Variants in ABCA10 observed in about 807,000 individuals in gnomAD.
ABCA10 encodes ATP-binding cassette sub-family A member 10.
Under a neutral mutation model 187.5 loss-of-function variants are expected in ABCA10, and 169 were observed. The observed-to-expected ratio is 0.90, with a 90% CI of 0.80 to 1.02. The LOEUF is 1.02. Among genes scored for constraint, ABCA10 ranks in the 50% least tolerant of loss-of-function variants. The pLI, the probability that ABCA10 is intolerant of heterozygous loss-of-function variation, is 0.00. For synonymous variants in ABCA10, 574 were observed against 601.8 expected (o/e 0.95, Z 0.68); for missense variants, 1,727 against 1,812.4 (o/e 0.95, Z 0.86).
chr17:69,238,990 C>T (rs2074888489), intron 1 of ABCA10, among the ~76,000 whole-genome samples: 1 of 152,188 alleles, frequency 6.6e-6, no homozygotes, highest in Non-Finnish European at 1.5e-5. Context: ...TGTCCCCATC[C>T]CCCACAGCCT....
At chr17:69,164,023 G>A (rs754829620) in intron 27 of ABCA10, 51 bp downstream of exon 27, 1 of 1,366,526 alleles carries the variant, frequency 7.3e-7, no homozygotes, top group Admixed American at 2.8e-5. Context: ...AGATTTCACG[G>A]GGCTATGAAT....
chr17:69,206,042 T>G (rs2074589118), intron 9 of ABCA10, among the ~76,000 whole-genome samples: 1 of 152,184 alleles, frequency 6.6e-6, no homozygotes, highest in South Asian at 2.1e-4. Flanking sequence ...TCTATCTTTA[T>G]AGCTAACTGT....
intron 11 of ABCA10, among the ~76,000 whole-genome samples, chr17:69,195,899 T>A (rs1384278880): frequency 6.6e-6 from 1 of 152,104 alleles, no homozygotes. Context: ...ATTAACCGCA[T>A]CCCAAGGCAG....
intron 5 of ABCA10, among the ~76,000 whole-genome samples, chr17:69,220,171 G>C (rs7221183): frequency 0.54 from 82,634 of 151,880 alleles, 24,358 homozygotes; most frequent in Non-Finnish European, 0.67. Flanking sequence ...ATCAAGAAAG[G>C]CTTCCCTAAA....
chr17:69,218,947 C>T (rs16973774), intron 6 of ABCA10, among the ~76,000 whole-genome samples: 11,051 of 152,248 alleles, frequency 0.073, 538 homozygotes, highest in Admixed American at 0.15. Context: ...GAGGTTGTCA[C>T]TTTGACTAGC....
At chr17:69,217,153 A>C (rs1331236686) in intron 6 of ABCA10, among the ~76,000 whole-genome samples, 1 of 152,086 alleles carries the variant, frequency 6.6e-6, no homozygotes, top group Non-Finnish European at 1.5e-5. Flanking sequence ...AGGCTGAGGC[A>C]GGAGAATCAC....
intron 9 of ABCA10, among the ~76,000 whole-genome samples, chr17:69,204,031 C>T (rs1233544200): frequency 3.3e-5 from 5 of 152,124 alleles, no homozygotes; most frequent in African/African-American, 1.2e-4. Flanking sequence ...GGACACAATC[C>T]AAAATTCTGT....
intron 22 of ABCA10, among the ~76,000 whole-genome samples, chr17:69,181,670 T>G (rs569038383): frequency 2.0e-5 from 3 of 152,086 alleles, no homozygotes; most frequent in African/African-American, 7.2e-5. Flanking sequence ...AAAAATTTAA[T>G]TAGACTAAAC....
chr17:69,215,857 TA>T lies in ABCA10; in HGVS notation c.815del (p.Leu272Ter), dbSNP rs760609453. ...RQLPLSLGWV[L>X]SLLSPFAFTA... is the part of the protein sequence containing the mutation. ...TGAAGGCAAAAGGGCTAAGAAGACT[TA>T]ATACCCATCCCAAAGATAAAGGAAG... On this transcript the variant is annotated frameshift_variant, in exon 8 of 39. Coordinates refer to ENST00000690296, the MANE Select transcript of ABCA10 (RefSeq NM_001377321.1). LOFTEE classifies it high-confidence loss of function. 56 of 1,613,036 alleles carry T rather than the reference TA, an allele frequency of 3.5e-5. No homozygotes were observed. In the South Asian group the frequency reaches 6.2e-4, roughly 18 times the overall value.
intron 20 of ABCA10, among the ~76,000 whole-genome samples, chr17:69,184,757 A>G (rs2074406716): frequency 6.6e-6 from 1 of 152,080 alleles, no homozygotes; most frequent in Admixed American, 6.6e-5. Flanking sequence ...ACACACATTT[A>G]TAGCAGCACA....
intron 26 of ABCA10, among the ~76,000 whole-genome samples, chr17:69,164,576 A>G (rs972269134): frequency 1.3e-5 from 2 of 152,196 alleles, no homozygotes; most frequent in African/African-American, 2.4e-5. Flanking sequence ...TATGCAATCA[A>G]TAAGTCCAAT....
At chr17:69,167,777 A>G (rs1173889146) in intron 25 of ABCA10, among the ~76,000 whole-genome samples, 1 of 152,206 alleles carries the variant, frequency 6.6e-6, no homozygotes, top group Non-Finnish European at 1.5e-5. Context: ...GGAATCTTCT[A>G]TGATACAGGC....
intron 16 of ABCA10, 72 bp from the exon 17 acceptor site, chr17:69,191,387 C>T: frequency 1.5e-6 from 2 of 1,375,422 alleles, no homozygotes; most frequent in Non-Finnish European, 1.9e-6. Flanking sequence ...AGATAGTTTT[C>T]TATTAAACAG....
intron 5 of ABCA10, among the ~76,000 whole-genome samples, chr17:69,221,385 G>A (rs112994122): frequency 4.1e-4 from 63 of 152,270 alleles, no homozygotes; most frequent in Middle Eastern, 3.4e-3. Flanking sequence ...TGTGTGAAGA[G>A]GAAAGTGGAT....
At chr17:69,190,498 A>T in intron 17 of ABCA10, 21 bp from the exon 18 acceptor site, 1 of 1,545,442 alleles carries the variant, frequency 6.5e-7, no homozygotes, top group Non-Finnish European at 8.6e-7. Context: ...AATAGTAATA[A>T]GTCAACGCAA....
At position 69,201,525 on chromosome 17, in the gene ABCA10, C is replaced by G. The variant is rs756825645; in HGVS notation, c.1150G>C (p.Glu384Gln). The G allele has an allele frequency of 6.2e-7, 1 of 1,600,538 alleles. No homozygotes were observed. Among genetic ancestry groups the G allele is most frequent in the South Asian group, 1.1e-5 (1 of 87,892 alleles). ...SDDSFEPVSPEFHGKEAIRIR... is the reference protein window; with the variant it reads ...SDDSFEPVSPQFHGKEAIRIR... ...CTTATGGCTTCTTTTCCATGGAATT[C>G]TGGAGACACCGGTTCAAAAGAATCA... is the stretch of plus-strand genomic sequence containing the variant. The change falls in exon 10 of 39, where the codon GAA becomes CAA. Residue 384 changes from glutamate to glutamine, a missense_variant. Coordinates refer to ENST00000690296, the MANE Select transcript of ABCA10 (RefSeq NM_001377321.1).
chr17:69,237,646 G>T (rs1403382246), intron 1 of ABCA10, among the ~76,000 whole-genome samples: 1 of 151,990 alleles, frequency 6.6e-6, no homozygotes, highest in African/African-American at 2.4e-5. Flanking sequence ...TTTTCTCACT[G>T]TAATTTCCCC....
At position 69,193,835 on chromosome 17, in the gene ABCA10, C is replaced by T; in HGVS notation, c.1500G>A (p.Gln500=). The T allele has an allele frequency of 6.2e-7, 1 of 1,613,544 alleles. No individual in the cohort carries two copies. Reference sequence around the variant, plus strand: ...GTACCTCTTGTTCCACTTCCTTTGGCTGAATCCCTTTTATTTTAGCAAATA... The same window carrying T: ...GTACCTCTTGTTCCACTTCCTTTGGTTGAATCCCTTTTATTTTAGCAAATA... ...LRVFAKIKGI[Q]PKEVEQEVKR... is the part of the protein sequence containing the mutation. The change falls in exon 13 of 39, where the codon CAG becomes CAA. Residue 500 remains glutamine, a synonymous_variant. Coordinates refer to ENST00000690296, the MANE Select transcript of ABCA10 (RefSeq NM_001377321.1).
At chr17:69,157,170 C>T (rs908114422) in intron 27 of ABCA10, among the ~76,000 whole-genome samples, 24 of 151,830 alleles carry the variant, frequency 1.6e-4, no homozygotes, top group African/African-American at 5.6e-4. Flanking sequence ...TTTTAAAAAG[C>T]ATAGAAGAGC....
Sources: gnomAD v4.1 joint callset for allele counts (sites outside exome capture counted in the v4.1 genomes callset) on GRCh38, gnomAD v4.1.1 for gene constraint, MANE v1.5 for transcripts, NCBI Gene and HGNC (gene_info 2026-07-23, HGNC 2026-07-21) for gene names.